KIAA1217: variants seen among roughly 807,000 people sequenced by gnomAD.
KIAA1217 encodes the protein sickle tail protein homolog.
Under a neutral mutation model 163.9 loss-of-function variants are expected in KIAA1217, and 88 were observed. That is an observed-to-expected ratio of 0.54 (90% CI 0.45 to 0.64). KIAA1217 has a LOEUF of 0.64. KIAA1217 is among the 30% of genes least tolerant of loss of function. The probability of loss-of-function intolerance (pLI) is 0.00; values close to 1 mark genes in which losing one functional copy is unlikely to be tolerated. For synonymous variants in KIAA1217, 903 were observed against 923.1 expected (o/e 0.98, Z 0.39); for missense variants, 2,372 against 2,475.0 (o/e 0.96, Z 0.88).
chr10:24,166,976 GAAA>G (rs1297543358), intron 2 of KIAA1217, among the ~76,000 whole-genome samples: 2 of 152,128 alleles, frequency 1.3e-5, no homozygotes. Flanking sequence ...AGCTGGAGAA[GAAA>G]GCTGCTTTGG....
chr10:24,319,455 A>G (rs1165321754), intron 2 of KIAA1217, among the ~76,000 whole-genome samples: 1 of 150,312 alleles, frequency 6.7e-6, no homozygotes, highest in African/African-American at 2.4e-5. Flanking sequence ...CTAGAGACAC[A>G]GGGAAAAATT....
intron 1 of KIAA1217, among the ~76,000 whole-genome samples, chr10:23,862,717 T>C (rs567240733): frequency 3.3e-4 from 50 of 152,028 alleles, no homozygotes; most frequent in African/African-American, 1.2e-3. Context: ...ATCAAAATGG[T>C]AGGCAGGGGG....
chr10:24,489,590 C>A (rs931523158), intron 6 of KIAA1217, among the ~76,000 whole-genome samples: 1 of 151,638 alleles, frequency 6.6e-6, no homozygotes, highest in African/African-American at 2.4e-5. Flanking sequence ...TATAAGTGGG[C>A]CAGGCATGGT....
At chr10:24,396,060 G>A (rs1292270505) in intron 3 of KIAA1217, among the ~76,000 whole-genome samples, 1 of 152,182 alleles carries the variant, frequency 6.6e-6, no homozygotes, top group East Asian at 1.9e-4. Flanking sequence ...TTACCGGCCA[G>A]GCGTGGTGGC....
intron 3 of KIAA1217, among the ~76,000 whole-genome samples, chr10:24,413,678 GCACATCCAGCATA>G (rs2058002223): frequency 6.6e-6 from 1 of 152,122 alleles, no homozygotes; most frequent in Admixed American, 6.5e-5. Flanking sequence ...TGTTTCTGGA[GCACATCCAGCATA>G]CTTTTGTCTC....
chr10:23,723,517 T>A (rs1248686339), intron 1 of KIAA1217, among the ~76,000 whole-genome samples: 1 of 152,214 alleles, frequency 6.6e-6, no homozygotes, highest in Non-Finnish European at 1.5e-5. Flanking sequence ...AGTGCATGCA[T>A]CTTGGATCAC....
chr10:23,800,466 T>A (rs1836418548), intron 1 of KIAA1217, among the ~76,000 whole-genome samples: 2 of 152,112 alleles, frequency 1.3e-5, no homozygotes, highest in South Asian at 4.2e-4. Flanking sequence ...ACACCATTCA[T>A]CTCCAAATGC....
chr10:24,401,184 AATAT>A (rs113096628), intron 3 of KIAA1217, among the ~76,000 whole-genome samples: 8 of 147,248 alleles, frequency 5.4e-5, no homozygotes, highest in African/African-American at 7.4e-5. Flanking sequence ...ACCATCAACC[AATAT>A]ATATATATAT....
chr10:24,457,804 G>A (rs1231729908), intron 5 of KIAA1217, among the ~76,000 whole-genome samples: 1 of 152,100 alleles, frequency 6.6e-6, no homozygotes, highest in Non-Finnish European at 1.5e-5. Context: ...TGGAGGCAAC[G>A]GGTAAGAAGA....
chr10:24,538,862 T>C (rs537304107), intron 17 of KIAA1217, among the ~76,000 whole-genome samples: 13 of 150,930 alleles, frequency 8.6e-5, no homozygotes, highest in Admixed American at 4.0e-4. Flanking sequence ...GCCTCTCTAG[T>C]AGCTGGGATT....
At chr10:23,738,763 A>G (rs1838945427) in intron 1 of KIAA1217, among the ~76,000 whole-genome samples, 1 of 152,182 alleles carries the variant, frequency 6.6e-6, no homozygotes, top group Non-Finnish European at 1.5e-5. Flanking sequence ...GCACATATTT[A>G]TCGAGCACCT....
intron 1 of KIAA1217, among the ~76,000 whole-genome samples, chr10:23,978,689 G>A (rs763713743): frequency 6.6e-5 from 10 of 152,054 alleles, no homozygotes; most frequent in Non-Finnish European, 1.2e-4. Flanking sequence ...TATATATAAT[G>A]TACATGAGCT....
At chr10:24,334,049 G>C (rs199600684) in intron 2 of KIAA1217, among the ~76,000 whole-genome samples, 3 of 152,156 alleles carry the variant, frequency 2.0e-5, no homozygotes, top group Non-Finnish European at 4.4e-5. Context: ...ATAAGTTAGT[G>C]GGGGAGGGTA....
At chr10:24,054,592 C>A (rs999389542) in intron 2 of KIAA1217, among the ~76,000 whole-genome samples, 1 of 152,220 alleles carries the variant, frequency 6.6e-6, no homozygotes, top group Non-Finnish European at 1.5e-5. Flanking sequence ...CAAATTCATG[C>A]CTGCCCCTTC....
rs572773068 is a variant in KIAA1217 at position 24,342,819 on chromosome 10, C to T, written c.355-38050C>T. Among the ~76,000 whole-genome samples the T allele has an allele frequency of 5.1e-4, 77 of 151,998 alleles. 1 individual carries two copies. The highest frequency in any genetic ancestry group is 2.1e-3 in the South Asian group (10 of 4,796). ...GACTACAGATGCATGCCACCACATC[C>T]GGCTGATTTTTTATTTTTAGTAGAG... is the stretch of plus-strand genomic sequence containing the variant. On this transcript the variant is annotated intron_variant, in intron 2 of 20. Coordinates refer to ENST00000376454, the MANE Select transcript of KIAA1217 (RefSeq NM_019590.5).
At chr10:24,367,564 C>T (rs947215321) in intron 2 of KIAA1217, among the ~76,000 whole-genome samples, 3 of 152,214 alleles carry the variant, frequency 2.0e-5, no homozygotes, top group Non-Finnish European at 2.9e-5. Flanking sequence ...TCCTTGCCAG[C>T]TTGCTCCAGC....
chr10:24,170,601 G>C (rs1236447925), intron 2 of KIAA1217, among the ~76,000 whole-genome samples: 6 of 152,180 alleles, frequency 3.9e-5, no homozygotes, highest in African/African-American at 1.4e-4. Context: ...GACAAAGGCA[G>C]TAGTGAATGG....
In KIAA1217 at chr10:23,738,302, T is replaced by C. The variant is rs1481433385; in HGVS notation, c.-321+43068T>C. Among the ~76,000 whole-genome samples, 3 of 152,240 alleles carry C rather than the reference T, an allele frequency of 2.0e-5. No individual in the cohort carries two copies. The East Asian group carries it at 5.8e-4, about 29-fold the overall frequency. On this transcript the variant is annotated intron_variant, in intron 1 of 18. Transcript: ENST00000376462. ...CAAGTTTGCTTTTTAAGGTCTGGAA[T>C]GTTTTATTCTCTCATATCTCTGATT...
intron 2 of KIAA1217, among the ~76,000 whole-genome samples, chr10:24,023,933 A>G (rs1281006975): frequency 6.6e-6 from 1 of 151,446 alleles, no homozygotes; most frequent in African/African-American, 2.4e-5. Flanking sequence ...GTTGATGGAG[A>G]TCAGATTAGA....
Sources: allele counts gnomAD v4.1 joint callset (sites outside exome capture counted in the v4.1 genomes callset), GRCh38; gene constraint gnomAD v4.1.1; transcripts MANE v1.5; gene names NCBI Gene and HGNC (gene_info 2026-07-23, HGNC 2026-07-21).